SLC23A2: variants seen among roughly 807,000 people sequenced by gnomAD.
The protein encoded by SLC23A2 is Na(+)/L-ascorbic acid transporter 2.
SLC23A2 carries 36 observed loss-of-function variants against 73.3 expected under a neutral mutation model. The ratio of observed to expected loss-of-function variants is 0.49; its 90% confidence interval spans 0.38 to 0.65. The LOEUF (loss-of-function observed/expected upper bound fraction) is 0.65, where lower values mean the gene tolerates loss of function less well. SLC23A2 is among the 30% of genes least tolerant of loss of function. The pLI, the probability that SLC23A2 is intolerant of heterozygous loss-of-function variation, is 0.00. For synonymous variants in SLC23A2, 343 were observed against 327.3 expected (o/e 1.05, Z -0.52); for missense variants, 507 against 841.6 (o/e 0.60, Z 4.92).
At chr20:4,958,976 C>T (rs555693009) in intron 2 of SLC23A2, among the ~76,000 whole-genome samples, 19 of 151,380 alleles carry the variant, frequency 1.3e-4, no homozygotes, top group African/African-American at 3.2e-4. Flanking sequence ...TTTGGGAGGC[C>T]GAGGTGGGCA....
intron 3 of SLC23A2, among the ~76,000 whole-genome samples, chr20:4,921,602 CAA>C (rs1258373626): frequency 4.7e-4 from 41 of 86,682 alleles, no homozygotes; most frequent in Admixed American, 9.7e-4. Flanking sequence ...CAATCACAAC[CAA>C]AAAAAAAAAA....
In SLC23A2 at chr20:4,884,330, C is replaced by T. The variant is rs138357891; in HGVS notation, c.642+423G>A. Among the ~76,000 whole-genome samples the T allele has an allele frequency of 4.6e-5, 7 of 152,320 alleles. No individual in the cohort carries two copies. The East Asian group carries it at 5.8e-4, about 13-fold the overall frequency. ...TGGAAAATATTAATACACTGTCAGC[C>T]GTACTTCATGTCTGCTTCTGTTCAA... On this transcript the variant is annotated intron_variant, in intron 8 of 16. Transcript: ENST00000338244.
chr20:4,884,548 T>C (rs910102485), intron 8 of SLC23A2, among the ~76,000 whole-genome samples: 36 of 152,154 alleles, frequency 2.4e-4, no homozygotes, highest in Non-Finnish European at 4.6e-4. Context: ...AGGAAACCAT[T>C]CCTTAAGGTT....
At position 4,998,190 on chromosome 20, in the gene SLC23A2, C is replaced by T. The variant is rs773852621; in HGVS notation, c.-282+3216G>A. The stretch of plus-strand genomic sequence containing the variant: ...ATCAACTCCCATCCCCACACTTAAT[C>T]CCCCGAGCCTTGTCAGATTCCTCTT... On this transcript the variant is annotated intron_variant, in intron 1 of 16. Transcript: ENST00000338244. This position sits in a 1 kb window ranked among gnomAD's most constrained non-coding sequence, Gnocchi z 4.1. Among the ~76,000 whole-genome samples, 5 of 152,180 alleles carry T rather than the reference C, an allele frequency of 3.3e-5. No individual in the cohort carries two copies. Among genetic ancestry groups the T allele is most frequent in the Non-Finnish European group, 5.9e-5 (4 of 68,028 alleles).
At chr20:4,886,699 C>T (rs1262289214) in intron 6 of SLC23A2, among the ~76,000 whole-genome samples, 1 of 152,208 alleles carries the variant, frequency 6.6e-6, no homozygotes, top group East Asian at 1.9e-4. Context: ...AGCTAAGTCA[C>T]ATTAAAGTGA....
intron 9 of SLC23A2, among the ~76,000 whole-genome samples, chr20:4,878,986 T>C (rs1930768027): frequency 6.6e-6 from 1 of 152,196 alleles, no homozygotes; most frequent in South Asian, 2.1e-4. Flanking sequence ...GACTAGCACA[T>C]CTAGAATAAC....
intron 2 of SLC23A2, among the ~76,000 whole-genome samples, chr20:4,937,591 A>G (rs1473794838): frequency 1.3e-5 from 2 of 152,240 alleles, no homozygotes; most frequent in Non-Finnish European, 2.9e-5. Context: ...CACAAACTCT[A>G]CAAAAGTAGA....
intron 1 of SLC23A2, among the ~76,000 whole-genome samples, chr20:4,995,865 C>T (rs1202514998): frequency 6.6e-6 from 1 of 152,172 alleles, no homozygotes; most frequent in Non-Finnish European, 1.5e-5. Context: ...CACAGGAGTG[C>T]TGGGCAGAGC....
chr20:5,004,395 A>G (rs961967357), upstream of SLC23A2, among the ~76,000 whole-genome samples: 2 of 152,166 alleles, frequency 1.3e-5, no homozygotes, highest in African/African-American at 4.8e-5. Context: ...ACTGACCCTC[A>G]CTGGCTCTTT....
intron 2 of SLC23A2, among the ~76,000 whole-genome samples, chr20:4,934,270 G>A (rs2086923589): frequency 2.0e-5 from 3 of 152,068 alleles, no homozygotes; most frequent in South Asian, 2.1e-4. Flanking sequence ...GATGTCTTTG[G>A]CCATCACAAC....
At chr20:4,884,944 C>T (rs1931037464) in intron 7 of SLC23A2, 121 bp from the exon 8 acceptor site, 1 of 586,574 alleles carries the variant, frequency 1.7e-6, no homozygotes, top group East Asian at 3.2e-5. Flanking sequence ...ATCCCCATCC[C>T]TAAAATTCAA....
At chr20:5,001,607 T>G (rs1312583358), upstream of SLC23A2, 1 of 41,004 alleles carries the variant, frequency 2.4e-5, no homozygotes, top group African/African-American at 9.4e-5. Flanking sequence ...ACCCCTGCCC[T>G]CGGGCCTCCC....
At chr20:4,894,929 C>T (rs1224354298) in intron 6 of SLC23A2, among the ~76,000 whole-genome samples, 1 of 152,218 alleles carries the variant, frequency 6.6e-6, no homozygotes, top group East Asian at 1.9e-4. Context: ...ACCACAGCAC[C>T]TTGTTCCTTC....
At chr20:4,880,586 AC>A (rs778208606) in intron 9 of SLC23A2, among the ~76,000 whole-genome samples, 30 of 152,156 alleles carry the variant, frequency 2.0e-4, no homozygotes, top group Admixed American at 3.3e-4. Flanking sequence ...GAGAATTCTC[AC>A]GAATAGAGAA....
Position 4,902,318 on chromosome 20 carries a change from T to C in SLC23A2, c.324+124A>G, listed in dbSNP as rs1931777298. 3.2e-6 allele frequency: 2 copies of C among 620,812 alleles called. No homozygotes were observed. The highest frequency in any genetic ancestry group is 5.7e-6 in the Non-Finnish European group (2 of 351,866). 38.5% of individuals were successfully genotyped at this position (620,812 alleles called of 1,614,324 possible). A position where few individuals can be genotyped will look rare whatever the true frequency, so the allele number is the denominator to read the frequency against. On this transcript the variant is annotated intron_variant, in intron 5 of 16. Transcript: ENST00000338244. This position sits in a 1 kb window ranked among gnomAD's most constrained non-coding sequence, Gnocchi z 4.0. ...TGTGCTCAGCCCCTACTCATCACTC[T>C]TAAAAGAGGAATTTATAAAAGTCTT...
chr20:4,938,700 G>A (rs1229996546), intron 2 of SLC23A2, among the ~76,000 whole-genome samples: 1 of 152,150 alleles, frequency 6.6e-6, no homozygotes, highest in Non-Finnish European at 1.5e-5. Context: ...AAATTACCAT[G>A]CTCTTTGATG....
chr20:4,906,698 C>T (rs899741425), intron 4 of SLC23A2, among the ~76,000 whole-genome samples: 1 of 152,124 alleles, frequency 6.6e-6, no homozygotes, highest in Non-Finnish European at 1.5e-5. Flanking sequence ...TTTCAACAAG[C>T]CAGCTTTTGA....
intron 4 of SLC23A2, among the ~76,000 whole-genome samples, chr20:4,903,474 T>C (rs1177866136): frequency 6.6e-6 from 1 of 152,216 alleles, no homozygotes; most frequent in African/African-American, 2.4e-5. Flanking sequence ...ATGTATCTCA[T>C]TTTAAGAAAT....
At chr20:5,008,897 C>A (rs1320299123) in intron 1 of SLC23A2, among the ~76,000 whole-genome samples, 1 of 152,034 alleles carries the variant, frequency 6.6e-6, no homozygotes, top group African/African-American at 2.4e-5. Flanking sequence ...AAGTTTACAT[C>A]CTCCCAGTTC....
Sources: allele counts gnomAD v4.1 joint callset (sites outside exome capture counted in the v4.1 genomes callset), GRCh38; gene constraint gnomAD v4.1.1; non-coding constraint Gnocchi (gnomAD v3.1); transcripts MANE v1.5; gene names NCBI Gene and HGNC (gene_info 2026-07-23, HGNC 2026-07-21).